Variants in CPQ observed in about 807,000 individuals in gnomAD.
The protein encoded by CPQ is Ser-Met dipeptidase.
Under a neutral mutation model 45.7 loss-of-function variants are expected in CPQ, and 37 were observed. The observed-to-expected ratio is 0.81, with a 90% CI of 0.62 to 1.07. The LOEUF is 1.07. CPQ is among the 50% of genes least tolerant of loss of function. The pLI is 0.00. For synonymous variants in CPQ, 186 were observed against 205.8 expected, an observed-to-expected ratio of 0.90 and a Z score of 0.82; for missense variants, 537 against 572.9, an observed-to-expected ratio of 0.94 and a Z score of 0.64.
At chr8:96,687,400 A>G (rs866835274) in intron 1 of CPQ, among the ~76,000 whole-genome samples, 84 of 152,082 alleles carry the variant, frequency 5.5e-4, no homozygotes, top group African/African-American at 1.9e-3. Flanking sequence ...TTTAGTAGAG[A>G]TGGGGTTTCA....
At chr8:97,024,273 G>A (rs1217442393) in intron 5 of CPQ, among the ~76,000 whole-genome samples, 1 of 152,000 alleles carries the variant, frequency 6.6e-6, no homozygotes, top group Non-Finnish European at 1.5e-5. Flanking sequence ...AGGAAACGGG[G>A]ATGAAGACAC....
intron 4 of CPQ, among the ~76,000 whole-genome samples, chr8:96,905,352 C>T (rs1812562533): frequency 6.6e-6 from 1 of 152,116 alleles, no homozygotes; most frequent in Non-Finnish European, 1.5e-5. Context: ...GACACAGAGC[C>T]ACACCATATC....
intron 1 of CPQ, among the ~76,000 whole-genome samples, chr8:96,736,375 G>C (rs1225138592): frequency 1.3e-5 from 2 of 152,104 alleles, no homozygotes; most frequent in African/African-American, 4.8e-5. Flanking sequence ...TTAGAATCCT[G>C]GGGAACTGCT....
chr8:96,741,468 A>C (rs1251036697), intron 1 of CPQ, among the ~76,000 whole-genome samples: 2 of 151,490 alleles, frequency 1.3e-5, no homozygotes, highest in Non-Finnish European at 1.5e-5. Flanking sequence ...TTGTGTCTCT[A>C]TTTCCTTCAG....
chr8:96,760,251 G>A (rs1586389847), intron 1 of CPQ, among the ~76,000 whole-genome samples: 1 of 152,320 alleles, frequency 6.6e-6, no homozygotes, highest in Middle Eastern at 3.4e-3. Context: ...CAGAGAAAGT[G>A]AAGGGACTAA....
intron 4 of CPQ, among the ~76,000 whole-genome samples, chr8:96,904,277 AC>A (rs1812548824): frequency 6.6e-6 from 1 of 152,178 alleles, no homozygotes; most frequent in Non-Finnish European, 1.5e-5. Context: ...AAATAGGGCC[AC>A]GTTTGCCGCT....
At position 97,066,916 on chromosome 8, in the gene CPQ, CTTTTTTTTTTTTTTTTTT is replaced by C. The variant is rs752150876; in HGVS notation, c.1255+718_1255+735del. ...TACAAGCTGGAACAGCTGGAACAGT[CTTTTTTTTTTTTTTTTTT>C]TTTTTTTTTTTAGACAGGGTCTCAC... On this transcript the variant is annotated intron_variant, in intron 7 of 7. Transcript: ENST00000220763. 5.0e-3 allele frequency among the ~76,000 whole-genome samples: 301 copies of C among 60,402 alleles called. 3 individuals carry two copies. The highest frequency in any genetic ancestry group is 0.013 in the Middle Eastern group (1 of 78). The allele number at this position is 60,402 out of a possible 152,430, so 39.6% of individuals were successfully genotyped here.
At chr8:96,843,876 A>G (rs1046272806) in intron 3 of CPQ, among the ~76,000 whole-genome samples, 2 of 152,174 alleles carry the variant, frequency 1.3e-5, no homozygotes, top group Non-Finnish European at 2.9e-5. Flanking sequence ...CAAACTCCAT[A>G]TTACTATGGT....
chr8:96,971,264 C>G (rs984152102), intron 5 of CPQ, among the ~76,000 whole-genome samples: 1 of 152,156 alleles, frequency 6.6e-6, no homozygotes, highest in Non-Finnish European at 1.5e-5. Flanking sequence ...TATGATGATT[C>G]CTTAATTGGC....
At chr8:96,729,299 A>T (rs1809880724) in intron 1 of CPQ, among the ~76,000 whole-genome samples, 1 of 152,160 alleles carries the variant, frequency 6.6e-6, no homozygotes, top group African/African-American at 2.4e-5. Flanking sequence ...CTTCTCCTGG[A>T]GGATGGATAA....
chr8:96,744,273 G>T (rs145822752), intron 1 of CPQ, among the ~76,000 whole-genome samples: 1,799 of 152,322 alleles, frequency 0.012, 39 homozygotes, highest in African/African-American at 0.039. Context: ...CTTTGACTAG[G>T]AAAGGGAACT....
intron 2 of CPQ, among the ~76,000 whole-genome samples, chr8:96,829,316 C>T (rs1177715439): frequency 6.6e-6 from 1 of 152,100 alleles, no homozygotes; most frequent in East Asian, 1.9e-4. Context: ...GAGACACAGT[C>T]CGGAGAGGAT....
chr8:97,066,965 C>T (rs547001514), intron 7 of CPQ, among the ~76,000 whole-genome samples: 2 of 133,166 alleles, frequency 1.5e-5, no homozygotes, highest in South Asian at 2.5e-4. Flanking sequence ...CTCACTCTGT[C>T]ACCTGGGCTG....
At position 96,838,685 on chromosome 8, in the gene CPQ, T is replaced by C. The variant is rs539400550; in HGVS notation, c.641+3505T>C. 3.3e-5 allele frequency among the ~76,000 whole-genome samples: 5 copies of C among 152,138 alleles called. No individual in the cohort carries two copies. The East Asian group carries it at 5.8e-4, about 18-fold the overall frequency. Reference sequence around the variant, plus strand: ...GTATTTTTTAACCTCTGGATTCCTATCATCTAGTATAATGTTTGAAACATG... The same window carrying C: ...GTATTTTTTAACCTCTGGATTCCTACCATCTAGTATAATGTTTGAAACATG... On this transcript the variant is annotated intron_variant, in intron 3 of 7. Coordinates refer to ENST00000220763, the MANE Select transcript of CPQ (RefSeq NM_016134.4).
intron 6 of CPQ, among the ~76,000 whole-genome samples, chr8:97,060,505 T>C (rs114734656): frequency 0.012 from 1,837 of 152,234 alleles, 37 homozygotes; most frequent in African/African-American, 0.042. Context: ...ATGACAGTTT[T>C]CATGGCTCCT....
At chr8:97,095,688 C>G (rs1453752628) in intron 7 of CPQ, among the ~76,000 whole-genome samples, 2 of 152,210 alleles carry the variant, frequency 1.3e-5, no homozygotes, top group African/African-American at 4.8e-5. Context: ...AATTATTTCA[C>G]AATTCCTTAT....
intron 7 of CPQ, among the ~76,000 whole-genome samples, chr8:97,094,540 AG>A (rs1379944818): frequency 1.3e-5 from 2 of 152,086 alleles, no homozygotes; most frequent in Admixed American, 6.6e-5. Context: ...TCCCCTGCTC[AG>A]CAAACCAGCC....
chr8:96,745,156 A>T (rs956990670), intron 1 of CPQ, among the ~76,000 whole-genome samples: 26 of 152,116 alleles, frequency 1.7e-4, no homozygotes, highest in African/African-American at 6.0e-4. Context: ...AAAAATACAA[A>T]AATTAGCTGG....
chr8:96,981,464 G>C (rs1375368651), intron 5 of CPQ, among the ~76,000 whole-genome samples: 1 of 152,094 alleles, frequency 6.6e-6, no homozygotes, highest in African/African-American at 2.4e-5. Flanking sequence ...CTTGTTTTAG[G>C]CAGGATGTTA....
Sources: allele counts gnomAD v4.1 joint callset (sites outside exome capture counted in the v4.1 genomes callset), GRCh38; gene constraint gnomAD v4.1.1; transcripts MANE v1.5; gene names NCBI Gene and HGNC (gene_info 2026-07-23, HGNC 2026-07-21).